AGTPBP1: variants seen among roughly 807,000 people sequenced by gnomAD.
The protein encoded by AGTPBP1 is cytosolic carboxypeptidase 1.
Under a neutral mutation model 143.9 loss-of-function variants are expected in AGTPBP1, and 70 were observed. That is an observed-to-expected ratio of 0.49 (90% CI 0.40 to 0.59). The LOEUF is 0.59. AGTPBP1 is among the 20% of genes least tolerant of loss of function. The pLI, the probability that AGTPBP1 is intolerant of heterozygous loss-of-function variation, is 0.00. For missense variants in AGTPBP1, 1,229 were observed against 1,464.5 expected, an observed-to-expected ratio of 0.84 and a Z score of 2.62; for synonymous variants, 463 against 500.2, an observed-to-expected ratio of 0.93 and a Z score of 0.99.
At chr9:85,769,189 T>C in the AGTPBP1 span, among the ~76,000 whole-genome samples, 1 of 151,996 alleles carries the variant, frequency 6.6e-6, no homozygotes, top group African/African-American at 2.4e-5. Flanking sequence ...AGTCAACAGA[T>C]ATTGAGTTCA....
chr9:85,697,626 G>A (rs865999950), intron 2 of AGTPBP1, among the ~76,000 whole-genome samples: 1 of 151,296 alleles, frequency 6.6e-6, no homozygotes, highest in African/African-American at 2.4e-5. Context: ...CTAACTTTTT[G>A]TATTTTTAGT....
chr9:85,609,290 CTTT>C (rs71370873), intron 17 of AGTPBP1, among the ~76,000 whole-genome samples: 11 of 134,246 alleles, frequency 8.2e-5, no homozygotes, highest in East Asian at 2.2e-4. Flanking sequence ...GTGTACAGAT[CTTT>C]TTTTTTTTTT....
At chr9:85,552,236 T>C (rs975728520) in intron 25 of AGTPBP1, among the ~76,000 whole-genome samples, 13 of 152,242 alleles carry the variant, frequency 8.5e-5, no homozygotes, top group Admixed American at 8.5e-4. Context: ...TATGGTATCA[T>C]TATGATGCAG....
intron 2 of AGTPBP1, among the ~76,000 whole-genome samples, chr9:85,709,099 T>C (rs542123503): frequency 8.7e-4 from 132 of 152,148 alleles, no homozygotes; most frequent in Admixed American, 3.2e-3. Flanking sequence ...AATCCAAAAA[T>C]ATATGAAAAG....
At chr9:85,637,703 A>G (rs960314014) in intron 13 of AGTPBP1, among the ~76,000 whole-genome samples, 2 of 152,240 alleles carry the variant, frequency 1.3e-5, no homozygotes, top group Non-Finnish European at 2.9e-5. Context: ...ATGACAAGAA[A>G]TATTTCTGTC....
intron 25 of AGTPBP1, among the ~76,000 whole-genome samples, chr9:85,568,000 T>C (rs949867182): frequency 1.3e-5 from 2 of 152,072 alleles, no homozygotes; most frequent in Admixed American, 6.5e-5. Flanking sequence ...CTGAACCAGA[T>C]TGAGGATAAG....
chr9:85,583,513 A>G (rs1828411292), intron 23 of AGTPBP1, among the ~76,000 whole-genome samples: 1 of 152,172 alleles, frequency 6.6e-6, no homozygotes, highest in South Asian at 2.1e-4. Flanking sequence ...ACATCTTGAG[A>G]AATGAAATTT....
chr9:85,693,720 A>C (rs1288566999), intron 2 of AGTPBP1, among the ~76,000 whole-genome samples: 1 of 152,226 alleles, frequency 6.6e-6, no homozygotes, highest in East Asian at 1.9e-4. Flanking sequence ...GAAACAAGTC[A>C]AATAGGTAAA....
At chr9:85,694,592 A>G (rs1836110063) in intron 2 of AGTPBP1, among the ~76,000 whole-genome samples, 2 of 151,820 alleles carry the variant, frequency 1.3e-5, no homozygotes, top group South Asian at 4.2e-4. Context: ...ATGACTCTAT[A>G]CTCGCCTGAT....
chr9:85,585,738 C>T (rs1828561289), intron 22 of AGTPBP1, 144 bp from the exon 23 acceptor site: 4 of 608,570 alleles, frequency 6.6e-6, no homozygotes, highest in Admixed American at 3.9e-5. Context: ...ACAATTAGAA[C>T]CAACAAAAGT....
chr9:85,735,248 T>C (rs1033672489), intron 1 of AGTPBP1, among the ~76,000 whole-genome samples: 4 of 152,160 alleles, frequency 2.6e-5, no homozygotes, highest in African/African-American at 9.7e-5. Context: ...TTGAAGACAT[T>C]GTGCTAAATG....
chr9:85,642,689 C>T (rs1832563219), intron 13 of AGTPBP1, 138 bp downstream of exon 13: 1 of 706,664 alleles, frequency 1.4e-6, no homozygotes, highest in Non-Finnish European at 2.4e-6. Flanking sequence ...CATAATTATT[C>T]AATGCCACTC....
At chr9:85,682,110 C>T (rs1455614046) in intron 3 of AGTPBP1, among the ~76,000 whole-genome samples, 1 of 142,480 alleles carries the variant, frequency 7.0e-6, no homozygotes, top group Non-Finnish European at 1.5e-5. Context: ...CAAAAGGCTA[C>T]TTCTGAAACA....
chr9:85,637,707 TTC>T (rs1357546573), intron 13 of AGTPBP1, among the ~76,000 whole-genome samples: 1 of 152,214 alleles, frequency 6.6e-6, no homozygotes, highest in Non-Finnish European at 1.5e-5. Flanking sequence ...CAAGAAATAT[TTC>T]TGTCTCAATG....
Position 85,721,619 on chromosome 9 carries a change from T to C in AGTPBP1, c.-33-9053A>G, listed in dbSNP as rs1255163401. Among the ~76,000 whole-genome samples the C allele has an allele frequency of 2.0e-5, 3 of 152,182 alleles. No homozygotes were observed. In the East Asian group the frequency reaches 5.8e-4, roughly 29 times the overall value. ...AGCACACAAATGGGTCTTGACTCTTTATCCAATTTGCCAGTCTATGTCTTT... is the reference window on the plus strand; with the variant it reads ...AGCACACAAATGGGTCTTGACTCTTCATCCAATTTGCCAGTCTATGTCTTT... On this transcript the variant is annotated intron_variant, in intron 1 of 25. Transcript: ENST00000357081.
chr9:85,736,797 A>T (rs1024361696), intron 1 of AGTPBP1, among the ~76,000 whole-genome samples: 5 of 152,234 alleles, frequency 3.3e-5, no homozygotes, highest in African/African-American at 1.2e-4. Flanking sequence ...TAAAGTCACC[A>T]TCAACCACCA....
chr9:85,752,345 A>G, the AGTPBP1 span, among the ~76,000 whole-genome samples: 1 of 152,194 alleles, frequency 6.6e-6, no homozygotes, highest in Non-Finnish European at 1.5e-5. Flanking sequence ...CCATTTTTGA[A>G]CACAAGAAAT....
chr9:85,719,370 G>A (rs143222135), intron 1 of AGTPBP1, among the ~76,000 whole-genome samples: 1,666 of 152,274 alleles, frequency 0.011, 28 homozygotes, highest in African/African-American at 0.037. Context: ...TCTCCTTGAA[G>A]AGGTCCTTCA....
chr9:85,657,105 C>T lies in AGTPBP1; in HGVS notation c.909+330G>A, dbSNP rs1187243460. ...AGATGACGAGTTAGTGGGTGCAGTG[C>T]ACCAGCATGGCACATGTATACATAT... On this transcript the variant is annotated intron_variant, in intron 10 of 25. Coordinates refer to ENST00000357081, the MANE Select transcript of AGTPBP1 (RefSeq NM_001330701.2). 2.7e-5 allele frequency among the ~76,000 whole-genome samples: 4 copies of T among 150,582 alleles called. 1 individual carries two copies. The highest frequency in any genetic ancestry group is 7.4e-5 in the African/African-American group (3 of 40,808).
Sources: gnomAD v4.1 joint callset for allele counts (sites outside exome capture counted in the v4.1 genomes callset) on GRCh38, gnomAD v4.1.1 for gene constraint, MANE v1.5 for transcripts, NCBI Gene and HGNC (gene_info 2026-07-23, HGNC 2026-07-21) for gene names.